TMEM41B: variants seen among roughly 807,000 people sequenced by gnomAD.
TMEM41B encodes protein stasimon.
In TMEM41B, 18 loss-of-function variants were observed where a neutral mutation model predicts 31.9. The observed-to-expected ratio is 0.56, with a 90% CI of 0.39 to 0.84. TMEM41B has a LOEUF of 0.84. Ranked by LOEUF, TMEM41B falls within the 40% of genes least tolerant of loss-of-function variation. The probability of loss-of-function intolerance (pLI) is 0.00; values close to 1 mark genes in which losing one functional copy is unlikely to be tolerated. For synonymous variants in TMEM41B, 144 were observed against 124.3 expected, an observed-to-expected ratio of 1.16 and a Z score of -1.05; for missense variants, 322 against 348.0, an observed-to-expected ratio of 0.93 and a Z score of 0.59.
rs1852718918 is a variant in TMEM41B at position 9,281,528 on chromosome 11, C to T, written c.*1896G>A. ...TTATACCTCTTATAATAAAAACATA[C>T]AAGGATTTCTCACAGCTAAAGTACT... On this transcript the variant is annotated 3_prime_UTR_variant, in exon 7 of 7. Transcript: ENST00000528080. 1 of 152,092 alleles carries T rather than the reference C, an allele frequency of 6.6e-6. No homozygotes were observed. The highest frequency in any genetic ancestry group is 1.5e-5 in the Non-Finnish European group (1 of 68,028). The allele number at this position is 152,092 out of a possible 1,614,324, so 9.4% of individuals were successfully genotyped here.
intron 1 of TMEM41B, among the ~76,000 whole-genome samples, chr11:9,301,268 G>A (rs1273822460): frequency 6.6e-6 from 1 of 152,098 alleles, no homozygotes; most frequent in Non-Finnish European, 1.5e-5. Flanking sequence ...GGTGGTGGGC[G>A]CCTGTAGTCC....
In TMEM41B at chr11:9,283,416, G is replaced by A; in HGVS notation, c.*8C>T. 3 of 1,600,622 alleles carry A rather than the reference G, an allele frequency of 1.9e-6. No individual in the cohort carries two copies. The highest frequency in any genetic ancestry group is 1.7e-5 in the Admixed American group (1 of 57,674). On this transcript the variant is annotated 3_prime_UTR_variant, in exon 7 of 7. Coordinates refer to ENST00000528080, the MANE Select transcript of TMEM41B (RefSeq NM_015012.4). ...ATGACAGCAAAACTAAAAATCAGATGATTATTTTTACTCAAATTTCTGCTT... is the reference window on the plus strand; with the variant it reads ...ATGACAGCAAAACTAAAAATCAGATAATTATTTTTACTCAAATTTCTGCTT...
intron 6 of TMEM41B, 85 bp downstream of exon 6, chr11:9,286,370 A>G: frequency 1.5e-6 from 2 of 1,359,402 alleles, no homozygotes; most frequent in South Asian, 1.6e-5. Context: ...TAATCTGCAG[A>G]GAGCATGCAT....
chr11:9,295,705 T>G (rs1010392131), intron 2 of TMEM41B, among the ~76,000 whole-genome samples: 5 of 152,028 alleles, frequency 3.3e-5, no homozygotes, highest in African/African-American at 1.2e-4. Context: ...CAGCTAACTT[T>G]TGTATTTTTA....
At chr11:9,307,723 T>C (rs1362253456) in intron 1 of TMEM41B, among the ~76,000 whole-genome samples, 3 of 152,102 alleles carry the variant, frequency 2.0e-5, no homozygotes, top group African/African-American at 7.2e-5. Context: ...ATTACAGGCA[T>C]GAGCCACTGT....
rs1564971319 is a variant in TMEM41B at position 9,314,455 on chromosome 11, T to A, written c.-14A>T. ...GCCTTTCGCCATGGCTGCTGCAAGG[T>A]GAAGGGAGCGGTGCGGTGCCGCGCC... On this transcript the variant is annotated 5_prime_UTR_variant, in exon 1 of 7. Transcript: ENST00000528080. 1.3e-6 allele frequency: 2 copies of A among 1,551,620 alleles called. No individual in the cohort carries two copies. The highest frequency in any genetic ancestry group is 1.9e-5 in the Admixed American group (1 of 51,392).
chr11:9,297,997 G>A (rs891038464), intron 2 of TMEM41B, among the ~76,000 whole-genome samples: 2 of 145,820 alleles, frequency 1.4e-5, no homozygotes, highest in African/African-American at 5.1e-5. Context: ...CCAGGAGGTT[G>A]AGGCTGCAGT....
chr11:9,308,842 T>C (rs1169154328), intron 1 of TMEM41B, among the ~76,000 whole-genome samples: 3 of 152,196 alleles, frequency 2.0e-5, no homozygotes, highest in Non-Finnish European at 4.4e-5. Context: ...TCATCCGTAA[T>C]ACTAGGACAA....
At chr11:9,289,828 G>C (rs1208174347) in intron 3 of TMEM41B, among the ~76,000 whole-genome samples, 1 of 152,114 alleles carries the variant, frequency 6.6e-6, no homozygotes, top group Non-Finnish European at 1.5e-5. Context: ...TACATTACAG[G>C]TAATTTCTTC....
At chr11:9,288,833 A>G (rs1013051124) in intron 3 of TMEM41B, among the ~76,000 whole-genome samples, 3 of 152,212 alleles carry the variant, frequency 2.0e-5, no homozygotes, top group African/African-American at 4.8e-5. Flanking sequence ...TGCTTCTCTA[A>G]TACATTTTAT....
chr11:9,291,051 CGTT>C (rs1389034253), intron 3 of TMEM41B, among the ~76,000 whole-genome samples: 2 of 151,830 alleles, frequency 1.3e-5, no homozygotes, highest in Non-Finnish European at 2.9e-5. Flanking sequence ...AGAGGGCAGA[CGTT>C]GTAGTGAGCC....
chr11:9,312,159 C>T (rs1259619268), intron 1 of TMEM41B, among the ~76,000 whole-genome samples: 2 of 152,182 alleles, frequency 1.3e-5, no homozygotes, highest in East Asian at 3.9e-4. Flanking sequence ...TTCACACTAA[C>T]CTTCAACCCT....
Position 9,314,371 on chromosome 11 carries a change from GC to G in TMEM41B, c.70del (p.Ala24GlnfsTer22). The part of the protein sequence containing the change: ...AHHTTPVGDG[A>X]AGTRGLAAPG... ...CGCCGCGAGACCCCGCGTCCCCGCTGCCCCGTCCCCCACGGGGGTCGTGTGG... is the reference window on the plus strand; with the variant it reads ...CGCCGCGAGACCCCGCGTCCCCGCTGCCCGTCCCCCACGGGGGTCGTGTGG... On this transcript the variant is annotated frameshift_variant, in exon 1 of 7. Coordinates refer to ENST00000528080, the MANE Select transcript of TMEM41B (RefSeq NM_015012.4). LOFTEE classifies it high-confidence loss of function. 6.3e-7 allele frequency: 1 copy of G among 1,584,244 alleles called. No homozygotes were observed. The highest frequency in any genetic ancestry group is 8.6e-7 in the Non-Finnish European group (1 of 1,166,432).
chr11:9,283,631 G>A (rs763951851), intron 6 of TMEM41B, 38 bp from the exon 7 acceptor site: 11 of 1,539,962 alleles, frequency 7.1e-6, no homozygotes, highest in African/African-American at 2.8e-5. Flanking sequence ...AAAAACCACC[G>A]CAATTGTTTT....
At chr11:9,304,534 G>A (rs1337171949) in intron 1 of TMEM41B, among the ~76,000 whole-genome samples, 2 of 151,926 alleles carry the variant, frequency 1.3e-5, no homozygotes, top group Non-Finnish European at 1.5e-5. Flanking sequence ...GTGCAGTGGT[G>A]AAATCATAGC....
chr11:9,295,403 GA>G lies in TMEM41B; in HGVS notation c.240-17del. ...TCTTTCTTCTCTGAAGAAATAAAGT[GA>G]AAAATTTTAGAACAGAATTTTGCCA... is the stretch of plus-strand genomic sequence containing the variant. On this transcript the variant is annotated splice_polypyrimidine_tract_variant and intron_variant, in intron 2 of 6. Transcript: ENST00000528080. 1 of 1,496,284 alleles carries G rather than the reference GA, an allele frequency of 6.7e-7. No homozygotes were observed. Among genetic ancestry groups the G allele is most frequent in the South Asian group, 1.3e-5 (1 of 79,454 alleles). 92.7% of individuals were successfully genotyped at this position (1,496,284 alleles called of 1,614,324 possible).
chr11:9,300,470 C>T (rs1853221796), intron 1 of TMEM41B, among the ~76,000 whole-genome samples: 1 of 152,108 alleles, frequency 6.6e-6, no homozygotes, highest in African/African-American at 2.4e-5. Flanking sequence ...CTCTTTATAC[C>T]AAATGCATCG....
At chr11:9,291,473 C>T (rs975632631) in intron 3 of TMEM41B, among the ~76,000 whole-genome samples, 2 of 151,822 alleles carry the variant, frequency 1.3e-5, no homozygotes, top group Admixed American at 6.6e-5. Context: ...ATGATCTTGG[C>T]TCACTGCAAC....
At chr11:9,291,851 A>T (rs1590375594) in intron 3 of TMEM41B, among the ~76,000 whole-genome samples, 1 of 151,952 alleles carries the variant, frequency 6.6e-6, no homozygotes, top group East Asian at 1.9e-4. Context: ...GGAATCACAG[A>T]CGCCTGCCAC....
Sources: allele counts gnomAD v4.1 joint callset (sites outside exome capture counted in the v4.1 genomes callset), GRCh38; gene constraint gnomAD v4.1.1; transcripts MANE v1.5; gene names NCBI Gene and HGNC (gene_info 2026-07-23, HGNC 2026-07-21).